The following CUX2 variants were observed in gnomAD, a reference collection of about 807,000 sequenced individuals.
CUX2 encodes the protein homeobox protein cut-like 2.
In CUX2, 40 loss-of-function variants were observed where a neutral mutation model predicts 144.8. That is an observed-to-expected ratio of 0.28 (90% confidence interval 0.21 to 0.36). The LOEUF (loss-of-function observed/expected upper bound fraction) is 0.36. CUX2 is among the 10% of genes least tolerant of loss of function. The probability of loss-of-function intolerance (pLI) is 1.00; values close to 1 mark genes in which losing one functional copy is unlikely to be tolerated. For missense variants in CUX2, 1,615 were observed against 1,994.0 expected (o/e 0.81, Z 3.62); for synonymous variants, 827 against 875.6 (o/e 0.94, Z 0.98).
chr12:111,164,194 C>T (rs1266033583), intron 1 of CUX2, among the ~76,000 whole-genome samples: 1 of 152,138 alleles, frequency 6.6e-6, no homozygotes, highest in Non-Finnish European at 1.5e-5. Context: ...GAATTGTCAG[C>T]TCCCTGAGGC....
chr12:111,189,353 A>G (rs1222731694), intron 1 of CUX2, among the ~76,000 whole-genome samples: 1 of 152,046 alleles, frequency 6.6e-6, no homozygotes, highest in Non-Finnish European at 1.5e-5. Context: ...AATCCACCCT[A>G]CCCTGCCAGC....
chr12:111,152,459 C>G (rs1440719272), intron 1 of CUX2, among the ~76,000 whole-genome samples: 1 of 152,162 alleles, frequency 6.6e-6, no homozygotes, highest in East Asian at 1.9e-4. Context: ...CCCACAGCTC[C>G]AGCAAGCACC....
chr12:111,055,066 AT>A (rs1870455986), intron 1 of CUX2, among the ~76,000 whole-genome samples: 1 of 152,192 alleles, frequency 6.6e-6, no homozygotes, highest in South Asian at 2.1e-4. Flanking sequence ...GTCTCTTGTT[AT>A]TTCTCTTTAC....
chr12:111,345,008 A>G (rs1328821759), intron 21 of CUX2, among the ~76,000 whole-genome samples: 1 of 151,954 alleles, frequency 6.6e-6, no homozygotes, highest in African/African-American at 2.4e-5. Context: ...ACCTCAAGTG[A>G]TCCACCTGCC....
chr12:111,097,665 A>G (rs974100789), intron 1 of CUX2, among the ~76,000 whole-genome samples: 1 of 152,152 alleles, frequency 6.6e-6, no homozygotes, highest in Non-Finnish European at 1.5e-5. Flanking sequence ...TGACTGCACA[A>G]GACAGCGTTT....
At chr12:111,123,939 C>G (rs1239739444) in intron 1 of CUX2, among the ~76,000 whole-genome samples, 1 of 152,198 alleles carries the variant, frequency 6.6e-6, no homozygotes, top group Non-Finnish European at 1.5e-5. Context: ...AAAGTCAGAG[C>G]TGGGATTTGA....
intron 3 of CUX2, among the ~76,000 whole-genome samples, chr12:111,229,819 A>G (rs1409343523): frequency 6.6e-6 from 1 of 152,040 alleles, no homozygotes; most frequent in African/African-American, 2.4e-5. Context: ...TCAGGAGTTC[A>G]AGACCAGCCT....
chr12:111,205,316 C>T (rs1880855053), intron 1 of CUX2, among the ~76,000 whole-genome samples: 1 of 152,132 alleles, frequency 6.6e-6, no homozygotes, highest in African/African-American at 2.4e-5. Context: ...CCCCTGAAGC[C>T]CTCCTCAGTG....
chr12:111,043,405 A>G (rs926258887), intron 1 of CUX2, among the ~76,000 whole-genome samples: 1 of 152,168 alleles, frequency 6.6e-6, no homozygotes, highest in Non-Finnish European at 1.5e-5. Flanking sequence ...TGTGCCTCCA[A>G]GGAACTGAAG....
intron 1 of CUX2, among the ~76,000 whole-genome samples, chr12:111,121,101 C>CA (rs768230942): frequency 0.16 from 12,927 of 81,426 alleles, 674 homozygotes; most frequent in South Asian, 0.37. Context: ...GTTGTTACCA[C>CA]AAAAAAAAAA....
At chr12:111,152,765 G>A (rs1040237309) in intron 1 of CUX2, among the ~76,000 whole-genome samples, 36 of 152,216 alleles carry the variant, frequency 2.4e-4, no homozygotes, top group African/African-American at 8.7e-4. Flanking sequence ...GGTGCTGCGG[G>A]AGCCTTGGAT....
At position 111,143,725 on chromosome 12, in the gene CUX2, A is replaced by G. The variant is rs140089176; in HGVS notation, c.64-70475A>G. 4.4e-3 allele frequency among the ~76,000 whole-genome samples: 674 copies of G among 152,018 alleles called. 7 individuals carry two copies. The highest frequency in any genetic ancestry group is 0.015 in the African/African-American group (630 of 41,292). On this transcript the variant is annotated intron_variant, in intron 1 of 21. Transcript: ENST00000261726. ...GGCCTCGCCGCCTGATGCCTTCTCC[A>G]TCAATGTGCGTCCCTGTGCTAAGCA... is the stretch of plus-strand genomic sequence containing the variant.
chr12:111,343,790 G>A (rs1485803714), intron 21 of CUX2, among the ~76,000 whole-genome samples: 1 of 152,236 alleles, frequency 6.6e-6, no homozygotes, highest in Non-Finnish European at 1.5e-5. Context: ...ACCGGGCGCA[G>A]TGGCTCACAC....
chr12:111,106,982 C>A (rs916121747), intron 1 of CUX2, among the ~76,000 whole-genome samples: 10 of 152,150 alleles, frequency 6.6e-5, no homozygotes, highest in African/African-American at 2.2e-4. Context: ...GCAGGCAAGG[C>A]CCACATGGTG....
At chr12:111,329,577 T>A (rs1013448276) in intron 18 of CUX2, among the ~76,000 whole-genome samples, 3 of 152,066 alleles carry the variant, frequency 2.0e-5, no homozygotes, top group African/African-American at 7.2e-5. Context: ...GGGACATGGG[T>A]GCAGATAGTT....
intron 1 of CUX2, among the ~76,000 whole-genome samples, chr12:111,056,806 C>T (rs896398068): frequency 1.3e-5 from 2 of 152,066 alleles, no homozygotes; most frequent in Non-Finnish European, 2.9e-5. Flanking sequence ...ACAGTGAGGG[C>T]GATGGTGGTG....
chr12:111,055,522 T>TCTGAG (rs924734273), intron 1 of CUX2, among the ~76,000 whole-genome samples: 2 of 152,240 alleles, frequency 1.3e-5, no homozygotes, highest in African/African-American at 4.8e-5. Flanking sequence ...AAAATTATTC[T>TCTGAG]CTGAGCAGAG....
chr12:111,119,787 G>C (rs181277346), intron 1 of CUX2, among the ~76,000 whole-genome samples: 1 of 152,368 alleles, frequency 6.6e-6, no homozygotes, highest in Non-Finnish European at 1.5e-5. Context: ...ACTGGGCACA[G>C]TGGCTTGCGC....
At chr12:111,309,430 T>C (rs12227338) in intron 14 of CUX2, among the ~76,000 whole-genome samples, 1,794 of 152,258 alleles carry the variant, frequency 0.012, 86 homozygotes, top group East Asian at 0.11. Flanking sequence ...TCTCAGCTGA[T>C]GCTCTTGGTG....
Sources: gnomAD v4.1 joint callset for allele counts (sites outside exome capture counted in the v4.1 genomes callset) on GRCh38, gnomAD v4.1.1 for gene constraint, MANE v1.5 for transcripts, NCBI Gene and HGNC (gene_info 2026-07-23, HGNC 2026-07-21) for gene names.